Variants in FUT8 observed in about 807,000 individuals in gnomAD.
FUT8 encodes alpha-(1,6)-fucosyltransferase.
Under a neutral mutation model 71.3 loss-of-function variants are expected in FUT8, and 29 were observed. The observed-to-expected ratio is 0.41, with a 90% CI of 0.30 to 0.55. FUT8 has a LOEUF of 0.55. Among genes scored for constraint, FUT8 ranks in the 20% least tolerant of loss-of-function variants. The probability of loss-of-function intolerance (pLI) is 0.34; values close to 1 mark genes in which losing one functional copy is unlikely to be tolerated. For missense variants in FUT8, 544 were observed against 702.1 expected (o/e 0.77, Z 2.55); for synonymous variants, 254 against 239.3 (o/e 1.06, Z -0.57).
intron 1 of FUT8, among the ~76,000 whole-genome samples, chr14:65,452,801 G>A (rs1726229315): frequency 6.6e-6 from 1 of 152,136 alleles, no homozygotes; most frequent in South Asian, 2.1e-4. Flanking sequence ...TAATTCAACA[G>A]GTATGTCAGG....
At chr14:65,500,307 T>C (rs2139765559) in intron 2 of FUT8, among the ~76,000 whole-genome samples, 1 of 152,300 alleles carries the variant, frequency 6.6e-6, no homozygotes, top group African/African-American at 2.4e-5. Flanking sequence ...CCAGTTAAAT[T>C]AGAGCTTTGC....
intron 3 of FUT8, among the ~76,000 whole-genome samples, chr14:65,565,487 G>A (rs1213060697): frequency 6.6e-6 from 1 of 151,258 alleles, no homozygotes; most frequent in Non-Finnish European, 1.5e-5. Context: ...ATAAACTTTT[G>A]TATGACCATA....
rs1321004217 is a variant in FUT8, at chr14:65,669,785, A to G, written c.835+305A>G. On this transcript the variant is annotated intron_variant, in intron 7 of 10. Coordinates refer to ENST00000673929, the MANE Select transcript of FUT8 (RefSeq NM_001371533.1). The surrounding 1 kb of genome is among the most constrained non-coding windows in gnomAD (Gnocchi z 4.5). Reference sequence around the variant, plus strand: ...TCACTCTATAAGATGATTTCACATTATTGAACTCATTTTAATATGAAGTAA... The same window carrying G: ...TCACTCTATAAGATGATTTCACATTGTTGAACTCATTTTAATATGAAGTAA... Among the ~76,000 whole-genome samples the G allele has an allele frequency of 6.6e-6, 1 of 152,178 alleles. No homozygotes were observed. Among genetic ancestry groups the G allele is most frequent in the African/African-American group, 2.4e-5 (1 of 41,446 alleles).
At position 65,455,221 on chromosome 14, in the gene FUT8, C is replaced by T. The variant is rs118150450; in HGVS notation, c.-325-400C>T. Among the ~76,000 whole-genome samples the T allele has an allele frequency of 5.3e-4, 81 of 152,182 alleles. 1 individual carries two copies. In the East Asian group the frequency reaches 0.014, roughly 26 times the overall value. On this transcript the variant is annotated intron_variant, in intron 1 of 10. Transcript: ENST00000673929. ...TAAGAAACTAGGTTATGTAGCTAAC[C>T]GAGGTGTCATACAAAATCGAGGGGA...
intron 6 of FUT8, among the ~76,000 whole-genome samples, chr14:65,644,657 G>A (rs1891038863): frequency 1.3e-5 from 2 of 152,042 alleles, no homozygotes; most frequent in Non-Finnish European, 2.9e-5. Context: ...CACCGCGCCC[G>A]GCCAATTATA....
intron 1 of FUT8, among the ~76,000 whole-genome samples, chr14:65,450,246 T>C (rs17102688): frequency 0.014 from 2,065 of 152,312 alleles, 43 homozygotes; most frequent in East Asian, 0.093. Context: ...CTCTGTTCAA[T>C]ATTACAGATT....
the FUT8 span, among the ~76,000 whole-genome samples, chr14:65,385,271 C>T: frequency 6.6e-6 from 1 of 152,198 alleles, no homozygotes; most frequent in East Asian, 1.9e-4. Context: ...TGGCAAGGGT[C>T]TAAAAATCAC....
chr14:65,575,576 C>T (rs761395947), intron 3 of FUT8, among the ~76,000 whole-genome samples: 3 of 3,074 alleles, frequency 9.8e-4, no homozygotes, highest in Non-Finnish European at 8.2e-3. Flanking sequence ...TCTTTCCTTC[C>T]TTCCTTCTTC....
chr14:65,719,763 C>T (rs920579422), intron 7 of FUT8, among the ~76,000 whole-genome samples: 2 of 152,196 alleles, frequency 1.3e-5, no homozygotes, highest in African/African-American at 4.8e-5. Context: ...CTCTGGATTA[C>T]CAAGCAGAGA....
chr14:65,416,739 T>C (rs1276184648), intron 1 of FUT8, among the ~76,000 whole-genome samples: 1 of 151,900 alleles, frequency 6.6e-6, no homozygotes, highest in African/African-American at 2.4e-5. Context: ...TATATGGGGA[T>C]GTGTAGATTT....
chr14:65,562,625 C>T (rs565884411), intron 3 of FUT8, among the ~76,000 whole-genome samples: 1 of 152,166 alleles, frequency 6.6e-6, no homozygotes, highest in East Asian at 1.9e-4. Context: ...CTCACTCTCT[C>T]AAACTAGAGA....
intron 1 of FUT8, among the ~76,000 whole-genome samples, chr14:65,419,343 G>T (rs537863326): frequency 6.6e-6 from 1 of 152,166 alleles, no homozygotes; most frequent in East Asian, 1.9e-4. Context: ...AAAAAACTAT[G>T]TTCATTGAAG....
intron 5 of FUT8, among the ~76,000 whole-genome samples, chr14:65,619,924 A>G (rs1889511248): frequency 6.6e-6 from 1 of 152,116 alleles, no homozygotes; most frequent in African/African-American, 2.4e-5. Flanking sequence ...TTTACCATTT[A>G]TCTTGTATTG....
At chr14:65,615,903 GT>G in intron 3 of FUT8, 74 bp from the exon 4 acceptor site, 1 of 1,009,482 alleles carries the variant, frequency 9.9e-7, no homozygotes, top group Admixed American at 2.4e-5. Context: ...CAGTATAAAT[GT>G]TTTAGAAAGT....
At chr14:65,477,175 T>C (rs1478898117) in intron 2 of FUT8, among the ~76,000 whole-genome samples, 13 of 152,214 alleles carry the variant, frequency 8.5e-5, no homozygotes, top group Non-Finnish European at 1.8e-4. Flanking sequence ...GTCTGACTCC[T>C]GACTTGGTCA....
intron 2 of FUT8, among the ~76,000 whole-genome samples, chr14:65,462,376 T>TA (rs2065981113): frequency 6.6e-6 from 1 of 152,206 alleles, no homozygotes; most frequent in African/African-American, 2.4e-5. Context: ...TCAGGTCACT[T>TA]AAAGTTAGAA....
intron 7 of FUT8, among the ~76,000 whole-genome samples, chr14:65,703,161 A>G (rs1894394051): frequency 6.6e-6 from 1 of 152,256 alleles, no homozygotes; most frequent in Non-Finnish European, 1.5e-5. Context: ...TTTTAAGCTC[A>G]AATGAGAAAT....
Position 65,553,791 on chromosome 14 carries a change from A to AT in FUT8, c.-227-7537dup, listed in dbSNP as rs922969391. On this transcript the variant is annotated intron_variant, in intron 2 of 10. Coordinates refer to ENST00000673929, the MANE Select transcript of FUT8 (RefSeq NM_001371533.1). ...TCTTTATTACATGTAGTGTGTTCTC[A>AT]TTTTTTTTTCTCTGTATGTAATATT... is the stretch of plus-strand genomic sequence containing the variant. Among the ~76,000 whole-genome samples, 242 of 142,782 alleles carry AT rather than the reference A, an allele frequency of 1.7e-3. 3 individuals carry two copies. The highest frequency in any genetic ancestry group is 0.016 in the Admixed American group (232 of 14,306). The allele number at this position is 142,782 out of a possible 152,430, so 93.7% of individuals were successfully genotyped here.
intron 9 of FUT8, among the ~76,000 whole-genome samples, chr14:65,726,795 C>T (rs985549829): frequency 6.6e-6 from 1 of 152,148 alleles, no homozygotes. Flanking sequence ...AAAGTCTCAT[C>T]GAAGACAAGG....
Sources: gnomAD v4.1 joint callset for allele counts (sites outside exome capture counted in the v4.1 genomes callset) on GRCh38, gnomAD v4.1.1 for gene constraint, Gnocchi (gnomAD v3.1) non-coding constraint, MANE v1.5 for transcripts, NCBI Gene and HGNC (gene_info 2026-07-23, HGNC 2026-07-21) for gene names.